The following GRID2 variants were observed in gnomAD, a reference collection of about 807,000 sequenced individuals.
GRID2 encodes the protein glutamate receptor ionotropic, delta-2.
A neutral mutation model predicts 114.8 loss-of-function variants in GRID2; 33 were observed. That is an observed-to-expected ratio of 0.29 (90% CI 0.22 to 0.38). GRID2 has a LOEUF of 0.38. GRID2 is among the 10% of genes least tolerant of loss of function. The pLI, the probability that GRID2 is intolerant of heterozygous loss-of-function variation, is 1.00. For synonymous variants in GRID2, 505 were observed against 449.9 expected (o/e 1.12, Z -1.55); for missense variants, 1,184 against 1,257.7 (o/e 0.94, Z 0.89).
At chr4:93,154,666 G>A (rs111840041) in intron 4 of GRID2, among the ~76,000 whole-genome samples, 157 of 151,848 alleles carry the variant, frequency 1.0e-3, no homozygotes, top group African/African-American at 3.5e-3. Context: ...AAGGGGGTGT[G>A]GTTAATAGGC....
At chr4:93,222,460 T>C (rs1379731074) in intron 6 of GRID2, among the ~76,000 whole-genome samples, 1 of 150,740 alleles carries the variant, frequency 6.6e-6, no homozygotes, top group African/African-American at 2.4e-5. Context: ...TTTTTAAATA[T>C]ATATATATAT....
intron 14 of GRID2, among the ~76,000 whole-genome samples, chr4:93,658,756 C>T (rs74362167): frequency 1.5e-3 from 224 of 152,196 alleles, no homozygotes; most frequent in African/African-American, 5.1e-3. Context: ...AATAGTTTTG[C>T]CCCCATTATT....
rs186396327 is a variant in GRID2 at position 92,720,312 on chromosome 4, G to T, written c.244+130026G>T. On this transcript the variant is annotated intron_variant, in intron 2 of 15. Coordinates refer to ENST00000282020, the MANE Select transcript of GRID2 (RefSeq NM_001510.4). ...GTGCAATTTATCCTTAGTCTAAATT[G>T]ATGAGGTGGTCTACAGTTTTCTTTT... is the stretch of plus-strand genomic sequence containing the variant. Among the ~76,000 whole-genome samples, 32 of 152,080 alleles carry T rather than the reference G, an allele frequency of 2.1e-4. No individual in the cohort carries two copies. The East Asian group carries it at 6.0e-3, about 29-fold the overall frequency.
intron 14 of GRID2, among the ~76,000 whole-genome samples, chr4:93,633,407 T>A (rs375838679): frequency 6.6e-6 from 1 of 152,108 alleles, no homozygotes; most frequent in Non-Finnish European, 1.5e-5. Flanking sequence ...CTTTACCTCT[T>A]GTTTCCTACC....
intron 2 of GRID2, among the ~76,000 whole-genome samples, chr4:92,969,754 T>A (rs184029561): frequency 3.6e-4 from 55 of 151,960 alleles, no homozygotes; most frequent in Non-Finnish European, 5.9e-5. Context: ...TAAAAATTGT[T>A]TTCTCTAGTG....
intron 10 of GRID2, among the ~76,000 whole-genome samples, chr4:93,440,983 G>C (rs1212133780): frequency 6.6e-6 from 1 of 152,052 alleles, no homozygotes; most frequent in Non-Finnish European, 1.5e-5. Flanking sequence ...ATGGCTCTTA[G>C]ATTTAAGGAG....
At chr4:92,912,882 G>T (rs1351165375) in intron 2 of GRID2, among the ~76,000 whole-genome samples, 1 of 151,788 alleles carries the variant, frequency 6.6e-6, no homozygotes, top group Non-Finnish European at 1.5e-5. Context: ...CAGATGAGTT[G>T]TAATTTACCC....
intron 4 of GRID2, among the ~76,000 whole-genome samples, chr4:93,142,975 G>T (rs527909109): frequency 6.6e-6 from 1 of 152,282 alleles, no homozygotes; most frequent in East Asian, 1.9e-4. Flanking sequence ...CAAGAGACAG[G>T]GTGGAGGACC....
At chr4:93,297,551 G>T (rs970698854) in intron 8 of GRID2, among the ~76,000 whole-genome samples, 3 of 152,184 alleles carry the variant, frequency 2.0e-5, no homozygotes, top group Non-Finnish European at 4.4e-5. Context: ...CATGCTCAAT[G>T]TAGTGATCCC....
At chr4:92,541,326 A>T (rs1026517130) in intron 1 of GRID2, among the ~76,000 whole-genome samples, 2 of 152,082 alleles carry the variant, frequency 1.3e-5, no homozygotes, top group African/African-American at 4.8e-5. Context: ...AGGAAAAAAA[A>T]AAGAAATCAA....
chr4:92,507,823 G>T (rs1478857928), intron 1 of GRID2, among the ~76,000 whole-genome samples: 1 of 151,714 alleles, frequency 6.6e-6, no homozygotes, highest in Admixed American at 6.6e-5. Context: ...ATTCTTCAAG[G>T]TATTCTAGTA....
intron 2 of GRID2, among the ~76,000 whole-genome samples, chr4:92,680,898 A>G (rs1733617892): frequency 6.6e-6 from 1 of 152,226 alleles, no homozygotes. Context: ...AATGTAAAGC[A>G]TGAACTCAAA....
At chr4:92,877,960 T>A (rs6841036) in intron 2 of GRID2, among the ~76,000 whole-genome samples, 86,084 of 151,898 alleles carry the variant, frequency 0.57, 25,517 homozygotes, top group Middle Eastern at 0.76. Flanking sequence ...CTGGTGTTTC[T>A]TGCTCCCCAG....
chr4:92,786,840 T>C (rs1739345019), intron 2 of GRID2, among the ~76,000 whole-genome samples: 1 of 151,866 alleles, frequency 6.6e-6, no homozygotes, highest in African/African-American at 2.4e-5. Context: ...CCATCTTTCA[T>C]ACCAAATTTA....
chr4:93,005,212 T>G (rs1272798192), intron 2 of GRID2, among the ~76,000 whole-genome samples: 1 of 152,100 alleles, frequency 6.6e-6, no homozygotes, highest in South Asian at 2.1e-4. Flanking sequence ...TTTTTTAAAT[T>G]TTTTATCTCA....
intron 2 of GRID2, among the ~76,000 whole-genome samples, chr4:92,965,645 A>T (rs1440989084): frequency 6.6e-6 from 1 of 151,686 alleles, no homozygotes; most frequent in Non-Finnish European, 1.5e-5. Context: ...CTGTGTGTTC[A>T]GCTTTTTACT....
At chr4:93,159,015 A>G (rs754766507) in intron 4 of GRID2, among the ~76,000 whole-genome samples, 6 of 151,646 alleles carry the variant, frequency 4.0e-5, no homozygotes, top group Non-Finnish European at 8.9e-5. Flanking sequence ...GAATTGTACT[A>G]TATAATTACT....
At chr4:93,169,180 ACAC>A (rs1738556160) in intron 4 of GRID2, among the ~76,000 whole-genome samples, 1 of 149,898 alleles carries the variant, frequency 6.7e-6, no homozygotes, top group African/African-American at 2.4e-5. Context: ...ACACACACAC[ACAC>A]AAACTTAAAA....
At chr4:92,784,455 A>G (rs896618607) in intron 2 of GRID2, among the ~76,000 whole-genome samples, 3 of 151,826 alleles carry the variant, frequency 2.0e-5, no homozygotes, top group African/African-American at 7.2e-5. Flanking sequence ...TATTTTATCT[A>G]ATATGCATTG....
Sources: allele counts gnomAD v4.1 joint callset (sites outside exome capture counted in the v4.1 genomes callset), GRCh38; gene constraint gnomAD v4.1.1; transcripts MANE v1.5; gene names NCBI Gene and HGNC (gene_info 2026-07-23, HGNC 2026-07-21).